DNER: variants seen among roughly 807,000 people sequenced by gnomAD.
The protein encoded by DNER is delta/notch like EGF repeat containing.
Under a neutral mutation model 78.2 loss-of-function variants are expected in DNER, and 33 were observed. That is an observed-to-expected ratio of 0.42 (90% CI 0.32 to 0.56). DNER has a LOEUF of 0.56. Ranked by LOEUF, DNER falls within the 20% of genes least tolerant of loss-of-function variation. The probability of loss-of-function intolerance (pLI) is 0.11; values close to 1 mark genes in which losing one functional copy is unlikely to be tolerated. For missense variants in DNER, 918 were observed against 975.3 expected (o/e 0.94, Z 0.78); for synonymous variants, 417 against 384.8 (o/e 1.08, Z -0.98).
chr2:229,560,525 T>C (rs1466238160), intron 4 of DNER, among the ~76,000 whole-genome samples: 4 of 152,120 alleles, frequency 2.6e-5, no homozygotes, highest in Non-Finnish European at 5.9e-5. Flanking sequence ...GACAAACACC[T>C]GCAATCCCGC....
At chr2:229,487,401 T>C (rs1559146203) in intron 6 of DNER, among the ~76,000 whole-genome samples, 1 of 152,254 alleles carries the variant, frequency 6.6e-6, no homozygotes, top group Non-Finnish European at 1.5e-5. Context: ...AAGTGCAATA[T>C]TGATACAGTC....
chr2:229,609,441 G>A (rs11896391), intron 1 of DNER, among the ~76,000 whole-genome samples: 6,727 of 152,122 alleles, frequency 0.044, 455 homozygotes, highest in African/African-American at 0.14. Context: ...GTAAATGTTC[G>A]ATAAGATTCA....
intron 10 of DNER, among the ~76,000 whole-genome samples, chr2:229,406,577 C>G (rs929439115): frequency 6.6e-6 from 1 of 152,200 alleles, no homozygotes; most frequent in South Asian, 2.1e-4. Context: ...CCAAAAGAAT[C>G]TGATAAACAT....
intron 5 of DNER, among the ~76,000 whole-genome samples, chr2:229,520,565 G>C (rs566403510): frequency 2.0e-5 from 3 of 152,278 alleles, no homozygotes; most frequent in Non-Finnish European, 2.9e-5. Flanking sequence ...ATGGTGGTCT[G>C]CCAGTTACTC....
rs553710198 is a variant in DNER, at chr2:229,528,024, C to T, written c.994-15088G>A. ...ACAGGTCTTTAAAAAAATTACATGC[C>T]AGTGAATGGAGCATGTGCTAATGAC... On this transcript the variant is annotated intron_variant, in intron 5 of 12. Coordinates refer to ENST00000341772, the MANE Select transcript of DNER (RefSeq NM_139072.4). 1.7e-4 allele frequency among the ~76,000 whole-genome samples: 26 copies of T among 152,330 alleles called. No homozygotes were observed. In the South Asian group the frequency reaches 5.2e-3, roughly 30 times the overall value.
intron 1 of DNER, among the ~76,000 whole-genome samples, chr2:229,662,657 C>G (rs1029397434): frequency 6.6e-6 from 1 of 152,102 alleles, no homozygotes; most frequent in African/African-American, 2.4e-5. Context: ...TAGAGCCTAC[C>G]CAGCCTCCTG....
At chr2:229,362,458 T>C (rs1043546831) in intron 12 of DNER, among the ~76,000 whole-genome samples, 1 of 152,238 alleles carries the variant, frequency 6.6e-6, no homozygotes, top group Non-Finnish European at 1.5e-5. Flanking sequence ...TACTTCTGCA[T>C]TGAAAGGCAT....
intron 6 of DNER, among the ~76,000 whole-genome samples, chr2:229,488,160 G>A (rs565178382): frequency 9.2e-5 from 14 of 152,344 alleles, no homozygotes; most frequent in African/African-American, 3.1e-4. Context: ...GGTGTGGGAT[G>A]GGGAGTGGGC....
intron 8 of DNER, among the ~76,000 whole-genome samples, chr2:229,429,158 G>A (rs2106354195): frequency 6.6e-6 from 1 of 152,318 alleles, no homozygotes; most frequent in South Asian, 2.1e-4. Flanking sequence ...GAGAGTTTGA[G>A]AGACAATGGG....
rs150002791 is a variant in DNER at position 229,384,590 on chromosome 2, T to A, written c.1855+3675A>T. ...TTGATAAAGGGGATATCACCGCTGATCTGATAGAAATACAAACTACTATCA... is the reference window on the plus strand; with the variant it reads ...TTGATAAAGGGGATATCACCGCTGAACTGATAGAAATACAAACTACTATCA... On this transcript the variant is annotated intron_variant, in intron 11 of 12. Coordinates refer to ENST00000341772, the MANE Select transcript of DNER (RefSeq NM_139072.4). Among the ~76,000 whole-genome samples the A allele has an allele frequency of 6.6e-3, 1,010 of 152,270 alleles. 6 individuals carry two copies. Among genetic ancestry groups the A allele is most frequent in the African/African-American group, 0.023 (941 of 41,546 alleles).
rs550548547 is a variant in DNER at position 229,646,516 on chromosome 2, T to A, written c.277-54628A>T. On this transcript the variant is annotated intron_variant, in intron 1 of 12. Coordinates refer to ENST00000341772, the MANE Select transcript of DNER (RefSeq NM_139072.4). The stretch of plus-strand genomic sequence containing the variant: ...TATGCAGTTGTGCAGTTGACAGAAC[T>A]TATGGAGGAAAAGGCTTGAGCCAGC... 3.3e-5 allele frequency among the ~76,000 whole-genome samples: 5 copies of A among 152,366 alleles called. No individual in the cohort carries two copies. The South Asian group carries it at 1.0e-3, about 32-fold the overall frequency.
intron 12 of DNER, among the ~76,000 whole-genome samples, chr2:229,363,093 C>T (rs949536683): frequency 8.5e-5 from 13 of 152,228 alleles, no homozygotes; most frequent in Admixed American, 2.6e-4. Flanking sequence ...CCTGGCTTTG[C>T]TCCTGCTGGT....
chr2:229,400,605 G>C (rs1256536824), intron 10 of DNER, among the ~76,000 whole-genome samples: 1 of 151,930 alleles, frequency 6.6e-6, no homozygotes, highest in Non-Finnish European at 1.5e-5. Flanking sequence ...GAGGTAATAG[G>C]AGCCAACTGA....
rs1237636524 is a variant in DNER at position 229,636,062 on chromosome 2, C to G, written c.277-44174G>C. Reference sequence around the variant, plus strand: ...AGAAAAGACAGAACCAGGATTTGAACCCAGGCCATCTTCTTCAGAGGCCAC... The same window carrying G: ...AGAAAAGACAGAACCAGGATTTGAAGCCAGGCCATCTTCTTCAGAGGCCAC... On this transcript the variant is annotated intron_variant, in intron 1 of 12. Coordinates refer to ENST00000341772, the MANE Select transcript of DNER (RefSeq NM_139072.4). Among the ~76,000 whole-genome samples the G allele has an allele frequency of 2.0e-5, 3 of 152,090 alleles. No individual in the cohort carries two copies. The East Asian group carries it at 5.8e-4, about 29-fold the overall frequency.
intron 8 of DNER, among the ~76,000 whole-genome samples, chr2:229,425,375 T>A (rs75320419): frequency 0.07 from 10,631 of 152,250 alleles, 487 homozygotes; most frequent in South Asian, 0.14. Context: ...TTCTAGCTAG[T>A]GCTCTTCCTA....
chr2:229,445,017 A>G (rs933878995), intron 8 of DNER, among the ~76,000 whole-genome samples: 30 of 152,146 alleles, frequency 2.0e-4, no homozygotes, highest in African/African-American at 7.2e-4. Context: ...ACAGGTAATA[A>G]AGTATTAAGG....
intron 1 of DNER, among the ~76,000 whole-genome samples, chr2:229,623,514 G>C (rs575929720): frequency 1.3e-5 from 2 of 152,306 alleles, no homozygotes; most frequent in South Asian, 2.1e-4. Flanking sequence ...AGGCAGCCGG[G>C]CATGAGCTAC....
Position 229,627,225 on chromosome 2 carries a change from C to T in DNER, c.277-35337G>A, listed in dbSNP as rs564720291. On this transcript the variant is annotated intron_variant, in intron 1 of 12. Transcript: ENST00000341772. Reference sequence around the variant, plus strand: ...ACACAAATGCTTCACTCTCTCAATTCTTTCCTCACAATAAGCACCTACAGA... The same window carrying T: ...ACACAAATGCTTCACTCTCTCAATTTTTTCCTCACAATAAGCACCTACAGA... Among the ~76,000 whole-genome samples, 240 of 152,300 alleles carry T rather than the reference C, an allele frequency of 1.6e-3. 4 individuals carry two copies. Among genetic ancestry groups the T allele is most frequent in the Middle Eastern group, 0.01 (3 of 294 alleles).
intron 10 of DNER, among the ~76,000 whole-genome samples, chr2:229,404,625 A>G (rs1693341175): frequency 6.6e-6 from 1 of 152,178 alleles, no homozygotes; most frequent in Non-Finnish European, 1.5e-5. Flanking sequence ...GAGTGATGGT[A>G]ATGCCATTTG....
Sources: gnomAD v4.1 joint callset for allele counts (sites outside exome capture counted in the v4.1 genomes callset) on GRCh38, gnomAD v4.1.1 for gene constraint, MANE v1.5 for transcripts, NCBI Gene and HGNC (gene_info 2026-07-23, HGNC 2026-07-21) for gene names.